The following HEMK2 variants were observed in gnomAD, a reference collection of about 807,000 sequenced individuals.
The protein encoded by HEMK2 is HemK methyltransferase 2, ETF1 glutamine and histone H4 lysine, also known as methyltransferase HEMK2.
the HEMK2 span, among the ~76,000 whole-genome samples, chr21:28,608,812 G>A: frequency 6.6e-6 from 1 of 152,010 alleles, no homozygotes; most frequent in Non-Finnish European, 1.5e-5. Context: ...TGATGACCTG[G>A]GTGACTCAAC....
the HEMK2 span, among the ~76,000 whole-genome samples, chr21:28,869,710 G>A: frequency 1.3e-5 from 2 of 152,114 alleles, no homozygotes; most frequent in Admixed American, 6.6e-5. Flanking sequence ...CTCAGTCTCC[G>A]AATGACTAAA....
the HEMK2 span, among the ~76,000 whole-genome samples, chr21:28,666,762 C>T: frequency 2.7e-3 from 405 of 152,192 alleles, 3 homozygotes; most frequent in African/African-American, 9.2e-3. Context: ...CCTGTTTAAC[C>T]ACTCATCTAA....
the HEMK2 span, among the ~76,000 whole-genome samples, chr21:28,620,666 T>C: frequency 2.3e-3 from 32 of 13,974 alleles, no homozygotes; most frequent in African/African-American, 8.0e-3. Flanking sequence ...TTTTCTTTTT[T>C]TTTTTTTTTT....
chr21:28,846,889 T>G, the HEMK2 span, among the ~76,000 whole-genome samples: 1 of 152,198 alleles, frequency 6.6e-6, no homozygotes, highest in African/African-American at 2.4e-5. Flanking sequence ...ATGTGGCATT[T>G]GTTTTTCTGT....
chr21:28,738,221 T>C, the HEMK2 span, among the ~76,000 whole-genome samples: 1 of 152,240 alleles, frequency 6.6e-6, no homozygotes, highest in African/African-American at 2.4e-5. Flanking sequence ...TTAGCTTAGC[T>C]GGTGTTCTGT....
chr21:28,689,624 T>C, the HEMK2 span, among the ~76,000 whole-genome samples: 1 of 152,246 alleles, frequency 6.6e-6, no homozygotes, highest in South Asian at 2.1e-4. Context: ...CCTCCCAAGA[T>C]TCTAGTCCCC....
At chr21:28,622,174 A>T in the HEMK2 span, among the ~76,000 whole-genome samples, 1 of 152,208 alleles carries the variant, frequency 6.6e-6, no homozygotes, top group Non-Finnish European at 1.5e-5. Context: ...AAGCATTCCT[A>T]TACACCAATT....
chr21:28,741,987 A>G, the HEMK2 span, among the ~76,000 whole-genome samples: 1 of 152,202 alleles, frequency 6.6e-6, no homozygotes, highest in Admixed American at 6.5e-5. Context: ...ACCACAAGAG[A>G]GAGCCTTCTT....
chr21:28,711,532 C>T, the HEMK2 span, among the ~76,000 whole-genome samples: 1 of 152,104 alleles, frequency 6.6e-6, no homozygotes, highest in African/African-American at 2.4e-5. Flanking sequence ...AGAGGGTGTG[C>T]TCACAATGTT....
At chr21:28,846,861 C>T in the HEMK2 span, among the ~76,000 whole-genome samples, 2 of 152,156 alleles carry the variant, frequency 1.3e-5, no homozygotes, top group Non-Finnish European at 2.9e-5. Flanking sequence ...ATGTTAGCTC[C>T]CACTTATAAG....
chr21:28,614,949 A>C, the HEMK2 span, among the ~76,000 whole-genome samples: 1 of 152,174 alleles, frequency 6.6e-6, no homozygotes, highest in East Asian at 1.9e-4. Context: ...ATAAAATTCC[A>C]TAACCCCTTC....
At chr21:28,876,417 T>G in the HEMK2 span, 10 of 1,610,606 alleles carry the variant, frequency 6.2e-6, no homozygotes, top group Non-Finnish European at 7.6e-6. Flanking sequence ...ACTGAAAGAG[T>G]TTCTTGGCCT....
chr21:28,767,421 A>AT, the HEMK2 span, among the ~76,000 whole-genome samples: 6 of 147,484 alleles, frequency 4.1e-5, no homozygotes, highest in African/African-American at 7.9e-5. Flanking sequence ...AGGGCATGAG[A>AT]TTTAAAAAAA....
At chr21:28,831,463 G>GAAAAGAAAAGAAAAGA in the HEMK2 span, among the ~76,000 whole-genome samples, 69 of 10,868 alleles carry the variant, frequency 6.3e-3, 1 homozygote, top group Middle Eastern at 0.045. Context: ...AGAAAAGAAC[G>GAAAAGAAAAGAAAAGA]AAAGAAAGAA....
chr21:28,681,655 A>G, the HEMK2 span, among the ~76,000 whole-genome samples: 1 of 152,218 alleles, frequency 6.6e-6, no homozygotes, highest in African/African-American at 2.4e-5. Flanking sequence ...AAACCACACT[A>G]CAAGGCTATA....
At chr21:28,592,588 T>C in the HEMK2 span, among the ~76,000 whole-genome samples, 1 of 152,260 alleles carries the variant, frequency 6.6e-6, no homozygotes, top group Non-Finnish European at 1.5e-5. Flanking sequence ...CAGACGACTC[T>C]GGAGGAAACA....
chr21:28,870,562 C>T, the HEMK2 span, among the ~76,000 whole-genome samples: 11 of 152,198 alleles, frequency 7.2e-5, no homozygotes, highest in African/African-American at 2.4e-4. Flanking sequence ...CCACCACACT[C>T]GCTAATTTTT....
chr21:28,782,540 T>C, the HEMK2 span, among the ~76,000 whole-genome samples: 9,718 of 152,240 alleles, frequency 0.064, 478 homozygotes, highest in African/African-American at 0.14. Context: ...AACTTCTTCA[T>C]GTCATAAAAG....
the HEMK2 span, among the ~76,000 whole-genome samples, chr21:28,862,612 G>C: frequency 8.3e-6 from 1 of 121,084 alleles, no homozygotes; most frequent in Non-Finnish European, 1.7e-5. Flanking sequence ...GCAGTCCGCA[G>C]TCCGGCCTGG....
Sources: gnomAD v4.1 joint callset for allele counts (sites outside exome capture counted in the v4.1 genomes callset) on GRCh38, gnomAD v4.1.1 for gene constraint, MANE v1.5 for transcripts, NCBI Gene and HGNC (gene_info 2026-07-23, HGNC 2026-07-21) for gene names.